The following AKAP13 variants were observed in gnomAD, a reference collection of about 807,000 sequenced individuals.
The protein encoded by AKAP13 is A-kinase anchor protein 13.
AKAP13 carries 80 observed loss-of-function variants against 264.5 expected under a neutral mutation model. The observed-to-expected ratio is 0.30, with a 90% CI of 0.25 to 0.36. AKAP13 has a LOEUF of 0.36. Ranked by LOEUF, AKAP13 falls within the 10% of genes least tolerant of loss-of-function variation. The pLI, the probability that AKAP13 is intolerant of heterozygous loss-of-function variation, is 1.00. For missense variants in AKAP13, 3,712 were observed against 3,435.2 expected, an observed-to-expected ratio of 1.08 and a Z score of -2.01; for synonymous variants, 1,380 against 1,250.2, an observed-to-expected ratio of 1.10 and a Z score of -2.19.
intron 1 of AKAP13, among the ~76,000 whole-genome samples, chr15:85,407,331 G>A (rs572066063): frequency 1.3e-5 from 2 of 151,290 alleles, no homozygotes; most frequent in Non-Finnish European, 2.9e-5. Context: ...GGGTTCAAGA[G>A]ATTCTCCTGT....
At position 85,615,434 on chromosome 15, in the gene AKAP13, T is replaced by TTTG. The variant is rs35440013; in HGVS notation, c.4162-23940_4162-23939insTTG. ...ACAAGGAAAGCCTAATTGGAGACGATCCTTTGCAGCCATTGTAAAGTATTT... is the reference window on the plus strand; with the variant it reads ...ACAAGGAAAGCCTAATTGGAGACGATTTGCCTTTGCAGCCATTGTAAAGTATTT... On this transcript the variant is annotated intron_variant, in intron 8 of 36. Coordinates refer to ENST00000394518, the MANE Select transcript of AKAP13 (RefSeq NM_007200.5). 1.8e-4 allele frequency among the ~76,000 whole-genome samples: 28 copies of TTTG among 151,852 alleles called. No homozygotes were observed. In the East Asian group the frequency reaches 4.9e-3, roughly 26 times the overall value.
At chr15:85,417,364 T>A (rs1443313871) in intron 1 of AKAP13, among the ~76,000 whole-genome samples, 2 of 152,218 alleles carry the variant, frequency 1.3e-5, no homozygotes, top group Admixed American at 6.5e-5. Flanking sequence ...GGAATCTTTC[T>A]GATACTCACT....
At chr15:85,462,460 T>C (rs975123463) in intron 1 of AKAP13, among the ~76,000 whole-genome samples, 1 of 152,158 alleles carries the variant, frequency 6.6e-6, no homozygotes, top group African/African-American at 2.4e-5. Context: ...CAGGATTCTT[T>C]GGAGGAATAG....
At chr15:85,725,851 C>G (rs1262088626) in intron 26 of AKAP13, among the ~76,000 whole-genome samples, 1 of 152,174 alleles carries the variant, frequency 6.6e-6, no homozygotes, top group Non-Finnish European at 1.5e-5. Context: ...TCACATGTAC[C>G]TGTAAGACTG....
intron 5 of AKAP13, among the ~76,000 whole-genome samples, chr15:85,558,433 T>G (rs554967914): frequency 2.6e-5 from 4 of 152,350 alleles, no homozygotes; most frequent in African/African-American, 7.2e-5. Flanking sequence ...AGAAGCTTAT[T>G]GGACTTGTTG....
rs1208881064 is a variant in AKAP13 at position 85,724,875 on chromosome 15, C to T, written c.6746-1535C>T. Among the ~76,000 whole-genome samples, 1 of 152,104 alleles carries T rather than the reference C, an allele frequency of 6.6e-6. No homozygotes were observed. The highest frequency in any genetic ancestry group is 1.5e-5 in the Non-Finnish European group (1 of 68,034). On this transcript the variant is annotated intron_variant, in intron 26 of 36. Transcript: ENST00000394518. This position sits in a 1 kb window ranked among gnomAD's most constrained non-coding sequence, Gnocchi z 4.2. ...AGATTCAGAGAAAGAAATCTCCTTT[C>T]CCACCACCAGCTGGCTGTGTATTTC...
At chr15:85,441,138 G>A (rs576605284) in intron 1 of AKAP13, among the ~76,000 whole-genome samples, 1 of 152,066 alleles carries the variant, frequency 6.6e-6, no homozygotes, top group African/African-American at 2.4e-5. Flanking sequence ...ACATTTTACA[G>A]TTCCTCCAGC....
chr15:85,698,171 AAG>A (rs1340375824), intron 17 of AKAP13, among the ~76,000 whole-genome samples: 1 of 152,136 alleles, frequency 6.6e-6, no homozygotes, highest in Non-Finnish European at 1.5e-5. Context: ...GCTGATAATA[AAG>A]AGAGAATATA....
Position 85,743,670 on chromosome 15 carries a change from T to C in AKAP13, c.8237T>C (p.Ile2746Thr), listed in dbSNP as rs1378737155. The change falls in exon 36 of 37, where the codon ATA becomes ACA. Residue 2746 changes from isoleucine to threonine, a missense_variant. By Grantham distance (89) the Ile-to-Thr change is moderately conservative. Around this residue, in one of 3 missense-constraint regions of AKAP13, gnomAD observed 611 missense variants for 539.3 expected, o/e 1.13. Coordinates refer to ENST00000394518, the MANE Select transcript of AKAP13 (RefSeq NM_007200.5). Reference protein sequence around the residue: ...RTHKDKGPFHILSSTSQTNKG... With the variant: ...RTHKDKGPFHTLSSTSQTNKG... ...CACAAAGATAAGGGGCCTTTTCACA[T>C]ACTGAGTTCAACCAGCCAGACAAAC... The C allele has an allele frequency of 1.2e-6, 2 of 1,614,008 alleles. No homozygotes were observed. Among genetic ancestry groups the C allele is most frequent in the Non-Finnish European group, 8.5e-7 (1 of 1,180,006 alleles).
At chr15:85,697,380 C>T (rs895526702) in intron 17 of AKAP13, among the ~76,000 whole-genome samples, 1 of 152,104 alleles carries the variant, frequency 6.6e-6, no homozygotes, top group Non-Finnish European at 1.5e-5. Flanking sequence ...ACCAGCCTGA[C>T]CAACATGGTG....
intron 1 of AKAP13, among the ~76,000 whole-genome samples, chr15:85,420,049 C>G (rs1203468474): frequency 7.0e-6 from 1 of 143,564 alleles, no homozygotes; most frequent in Non-Finnish European, 1.5e-5. Flanking sequence ...TCACACCATT[C>G]TCCTGCCTCA....
chr15:85,613,679 TAA>T (rs762473477), intron 8 of AKAP13, among the ~76,000 whole-genome samples: 2,741 of 103,264 alleles, frequency 0.027, 190 homozygotes, highest in Non-Finnish European at 0.045. Context: ...AGACTCCGTC[TAA>T]AAAAAAAAAA....
intron 1 of AKAP13, among the ~76,000 whole-genome samples, chr15:85,402,998 G>A (rs780655239): frequency 3.9e-5 from 6 of 152,128 alleles, no homozygotes; most frequent in Non-Finnish European, 8.8e-5. Flanking sequence ...GATTAGCAAC[G>A]TTCATTGTTC....
intron 1 of AKAP13, among the ~76,000 whole-genome samples, chr15:85,440,957 G>A (rs1357583692): frequency 6.6e-6 from 1 of 152,162 alleles, no homozygotes; most frequent in East Asian, 1.9e-4. Context: ...CCCACGGTTT[G>A]AAAGCAAGAG....
intron 1 of AKAP13, among the ~76,000 whole-genome samples, chr15:85,441,985 C>G (rs961515825): frequency 2.6e-5 from 4 of 152,100 alleles, no homozygotes; most frequent in Admixed American, 2.6e-4. Flanking sequence ...GAATAGAGTT[C>G]TGGTCAATTT....
intron 8 of AKAP13, among the ~76,000 whole-genome samples, chr15:85,613,713 T>TATATATATATGTG (rs1254657975): frequency 9.0e-6 from 1 of 110,988 alleles, no homozygotes; most frequent in African/African-American, 3.4e-5. Context: ...TATATATATA[T>TATATATATATGTG]TAGGAGTGCT....
At position 85,472,794 on chromosome 15, in the gene AKAP13, CA is replaced by C. The variant is rs2075007114; in HGVS notation, c.-11-12915del. Among the ~76,000 whole-genome samples, 3 of 152,324 alleles carry C rather than the reference CA, an allele frequency of 2.0e-5. No homozygotes were observed. In the South Asian group the frequency reaches 6.2e-4, roughly 32 times the overall value. On this transcript the variant is annotated intron_variant, in intron 1 of 36. Transcript: ENST00000394518. ...AAAATACAGACCTGGTGCTTTAAAA[CA>C]TTTTAGCATTTGTAGCTGTGTATGA... is the stretch of plus-strand genomic sequence containing the variant.
chr15:85,619,849 C>A, intron 8 of AKAP13: 1 of 1,357,602 alleles, frequency 7.4e-7, no homozygotes, highest in Non-Finnish European at 9.5e-7. Context: ...CTACATTCAT[C>A]TTTCCAGCAC....
At chr15:85,588,851 C>G (rs1473008039) in intron 8 of AKAP13, among the ~76,000 whole-genome samples, 1 of 152,150 alleles carries the variant, frequency 6.6e-6, no homozygotes, top group African/African-American at 2.4e-5. Context: ...CTCCTTGACT[C>G]AAGAAACCTG....
Sources: allele counts gnomAD v4.1 joint callset (sites outside exome capture counted in the v4.1 genomes callset), GRCh38; gene constraint gnomAD v4.1.1; regional missense constraint gnomAD v4.1.1; non-coding constraint Gnocchi (gnomAD v3.1); transcripts MANE v1.5; gene names NCBI Gene and HGNC (gene_info 2026-07-23, HGNC 2026-07-21).